The following CXCL6 variants were observed in gnomAD, a reference collection of about 807,000 sequenced individuals.
The protein encoded by CXCL6 is C-X-C motif chemokine ligand 6, also known as C-X-C motif chemokine 6.
CXCL6 carries 18 observed loss-of-function variants against 10.5 expected under a neutral mutation model. That is an observed-to-expected ratio of 1.71 (90% CI 1.18 to 2.54). The LOEUF is 2.54. CXCL6 is among the 30% of genes most tolerant of loss of function. The pLI is 0.00. For synonymous variants in CXCL6, 82 were observed against 68.3 expected, an observed-to-expected ratio of 1.20 and a Z score of -0.99; for missense variants, 171 against 145.7, an observed-to-expected ratio of 1.17 and a Z score of -0.90.
intron 3 of CXCL6, 106 bp from the exon 4 acceptor site, chr4:73,837,517 C>A: frequency 8.5e-7 from 1 of 1,176,638 alleles, no homozygotes; most frequent in South Asian, 1.3e-5. Flanking sequence ...TTTGTCTGCT[C>A]TTTGCTTTTA....
In CXCL6 at chr4:73,837,059, T is replaced by C. The variant is rs748333276; in HGVS notation, c.205T>C (p.Phe69Leu). The change falls in exon 2 of 4, where the codon TTC becomes CTC. Residue 69 changes from phenylalanine (F) to leucine (L), a missense_variant. Coordinates refer to ENST00000226317, the MANE Select transcript of CXCL6 (RefSeq NM_002993.4). The stretch of plus-strand genomic sequence containing the variant: ...CAAAACGATTGGTAAACTGCAGGTG[T>C]TCCCCGCAGGCCCGCAGTGCTCCAA... ...NPKTIGKLQV[F>L]PAGPQCSKVE... 2 of 1,613,746 alleles carry C rather than the reference T, an allele frequency of 1.2e-6. No homozygotes were observed. Among genetic ancestry groups the C allele is most frequent in the East Asian group, 4.5e-5 (2 of 44,900 alleles).
chr4:73,837,218 C>T lies in CXCL6; in HGVS notation c.258C>T (p.Asn86=). The T allele has an allele frequency of 6.2e-7, 1 of 1,614,040 alleles. No homozygotes were observed. Among genetic ancestry groups the T allele is most frequent in the Admixed American group, 1.7e-5 (1 of 60,014 alleles). ...TTTACTTCAGAGCCTCCCTGAAGAA[C>T]GGGAAGCAAGTTTGTCTGGACCCGG... is the stretch of plus-strand genomic sequence containing the variant. The part of the protein sequence containing the change: ...SKVEVVASLK[N]GKQVCLDPEA... The change falls in exon 3 of 4, where the codon AAC becomes AAT. Residue 86 remains asparagine, a synonymous_variant. Transcript: ENST00000226317.
In CXCL6 at chr4:73,836,763, T is replaced by A; in HGVS notation, c.13T>A (p.Ser5Thr). The A allele has an allele frequency of 6.2e-7, 1 of 1,610,374 alleles. No individual in the cohort carries two copies. The highest frequency in any genetic ancestry group is 2.2e-5 in the East Asian group (1 of 44,778). MSLPSSRAARVPGPS... is the reference protein window; with the variant it reads MSLPTSRAARVPGPS... ...TCTCTTGACCACTATGAGCCTCCCGTCCAGCCGCGCGGCCCGTGTCCCGGG... is the reference window on the plus strand; with the variant it reads ...TCTCTTGACCACTATGAGCCTCCCGACCAGCCGCGCGGCCCGTGTCCCGGG... The change falls in exon 1 of 4, where the codon TCC (serine) becomes ACC (threonine). Residue 5 changes from serine (S) to threonine (T), a missense_variant. By Grantham distance (58) the Ser-to-Thr change is moderately conservative. Transcript: ENST00000226317.
rs1413183889 is a variant in CXCL6, at chr4:73,837,571, G to A, written c.327-52G>A. Reference sequence around the variant, plus strand: ...CAAACGCTTTTGAAAACCAAATGTAGCATACAAGAGTGTGGGAATTGGTTA... The same window carrying A: ...CAAACGCTTTTGAAAACCAAATGTAACATACAAGAGTGTGGGAATTGGTTA... On this transcript the variant is annotated intron_variant, in intron 3 of 3. Transcript: ENST00000226317. 82 of 1,539,846 alleles carry A rather than the reference G, an allele frequency of 5.3e-5. 1 individual carries two copies. The South Asian group carries it at 8.9e-4, about 17-fold the overall frequency.
At position 73,837,293 on chromosome 4, in the gene CXCL6, G is replaced by T. The variant is rs771906311; in HGVS notation, c.326+7G>T. On this transcript the variant is annotated splice_region_variant and intron_variant, in intron 3 of 3. Transcript: ENST00000226317. Reference sequence around the variant, plus strand: ...TCCAGAAAATTTTGGACAGGTATTTGTCCCTTTGATCTTTGTGGTGTTTTA... The same window carrying T: ...TCCAGAAAATTTTGGACAGGTATTTTTCCCTTTGATCTTTGTGGTGTTTTA... The T allele has an allele frequency of 6.2e-7, 1 of 1,610,586 alleles. No homozygotes were observed. Among genetic ancestry groups the T allele is most frequent in the East Asian group, 2.2e-5 (1 of 44,874 alleles).
chr4:73,838,453 A>C lies in CXCL6; in HGVS notation c.*812A>C, dbSNP rs1731151932. 1 of 152,380 alleles carries C rather than the reference A, an allele frequency of 6.6e-6. No individual in the cohort carries two copies. The highest frequency in any genetic ancestry group is 2.4e-5 in the African/African-American group (1 of 41,450). The allele number at this position is 152,380 out of a possible 1,614,324, so 9.4% of individuals were successfully genotyped here. ...ATTCCTGATTGCTAATTTACATAGAAATGTATTCTCTTGGTTTTTTAAATA... is the reference window on the plus strand; with the variant it reads ...ATTCCTGATTGCTAATTTACATAGACATGTATTCTCTTGGTTTTTTAAATA... On this transcript the variant is annotated 3_prime_UTR_variant, in exon 4 of 4. Coordinates refer to ENST00000226317, the MANE Select transcript of CXCL6 (RefSeq NM_002993.4).
At position 73,836,794 on chromosome 4, in the gene CXCL6, CG is replaced by C. The variant is rs1731111594; in HGVS notation, c.47del (p.Gly16AlafsTer13). ...SSRAARVPGP[S>X]GSLCALLALL... ...CGCGCGGCCCGTGTCCCGGGTCCTT[CG>C]GGCTCCTTGTGCGCGCTGCTCGCGC... On this transcript the variant is annotated frameshift_variant, in exon 1 of 4. Transcript: ENST00000226317. LOFTEE classifies it high-confidence loss of function. The C allele has an allele frequency of 1.9e-6, 3 of 1,612,014 alleles. No homozygotes were observed. Among genetic ancestry groups the C allele is most frequent in the Non-Finnish European group, 2.5e-6 (3 of 1,179,422 alleles).
chr4:73,837,361 T>A, intron 3 of CXCL6, 75 bp downstream of exon 3: 1 of 1,336,378 alleles, frequency 7.5e-7, no homozygotes, highest in Non-Finnish European at 1.1e-6. Context: ...GTCCTTATTC[T>A]CTCTGTAGGA....
rs756549378 is a variant in CXCL6, at chr4:73,836,821, T to C, written c.71T>C (p.Leu24Pro). The change falls in exon 1 of 4, where the codon CTG becomes CCG. Residue 24 changes from leucine (L) to proline (P), a missense_variant. Leu to Pro is a moderately conservative substitution (Grantham distance 98). Transcript: ENST00000226317. ...PSGSLCALLA[L>P]LLLLTPPGPL... Reference sequence around the variant, plus strand: ...GGCTCCTTGTGCGCGCTGCTCGCGCTGCTGCTCCTGCTGACGCCGCCGGGG... The same window carrying C: ...GGCTCCTTGTGCGCGCTGCTCGCGCCGCTGCTCCTGCTGACGCCGCCGGGG... 6.2e-7 allele frequency: 1 copy of C among 1,612,254 alleles called. No homozygotes were observed. Among genetic ancestry groups the C allele is most frequent in the Admixed American group, 1.7e-5 (1 of 59,898 alleles).
At chr4:73,837,137 A>G in intron 2 of CXCL6, 41 bp downstream of exon 2, 1 of 1,613,296 alleles carries the variant, frequency 6.2e-7, no homozygotes, top group Middle Eastern at 1.7e-4. Flanking sequence ...TGACTTAGGC[A>G]AGTCCTCCAG....
At chr4:73,837,370 G>T (rs904941373) in intron 3 of CXCL6, 84 bp downstream of exon 3, 2 of 1,286,678 alleles carry the variant, frequency 1.6e-6, no homozygotes, top group African/African-American at 3.0e-5. Flanking sequence ...CTCTCTGTAG[G>T]ATTTAGACTA....
rs767886944 is a variant in CXCL6 at position 73,836,875 on chromosome 4, A to C, written c.109+16A>C. On this transcript the variant is annotated intron_variant, in intron 1 of 3. Transcript: ENST00000226317. ...CTCGCCAGCGGTGAGAGCTCCTGGCACTGGGGTGCATCCCAGCCTCTGCGG... is the reference window on the plus strand; with the variant it reads ...CTCGCCAGCGGTGAGAGCTCCTGGCCCTGGGGTGCATCCCAGCCTCTGCGG... 6.2e-7 allele frequency: 1 copy of C among 1,612,028 alleles called. No homozygotes were observed. Among genetic ancestry groups the C allele is most frequent in the Non-Finnish European group, 8.5e-7 (1 of 1,178,898 alleles).
chr4:73,837,489 C>T (rs1400498800), intron 3 of CXCL6, 134 bp from the exon 4 acceptor site: 1 of 944,712 alleles, frequency 1.1e-6, no homozygotes, highest in African/African-American at 1.7e-5. Context: ...ACACAGAGCT[C>T]ATTACTGACA....
Position 73,837,258 on chromosome 4 carries a change from A to C in CXCL6, c.298A>C (p.Lys100Gln), listed in dbSNP as rs770330032. 3.1e-6 allele frequency: 5 copies of C among 1,614,134 alleles called. No homozygotes were observed. Among genetic ancestry groups the C allele is most frequent in the Non-Finnish European group, 4.2e-6 (5 of 1,180,026 alleles). ...TCTGGACCCGGAAGCCCCTTTTCTA[A>C]AGAAAGTCATCCAGAAAATTTTGGA... ...VCLDPEAPFLKKVIQKILDSG... is the reference protein window; with the variant it reads ...VCLDPEAPFLQKVIQKILDSG... Residue 100 changes from lysine to glutamine, a missense_variant, in exon 3 of 4, where the codon AAG becomes CAG. Lys to Gln is a moderately conservative substitution (Grantham distance 53). Coordinates refer to ENST00000226317, the MANE Select transcript of CXCL6 (RefSeq NM_002993.4).
chr4:73,837,360 C>A, intron 3 of CXCL6, 74 bp downstream of exon 3: 3 of 1,343,412 alleles, frequency 2.2e-6, no homozygotes, highest in Non-Finnish European at 3.2e-6. Context: ...TGTCCTTATT[C>A]TCTCTGTAGG....
chr4:73,837,239 C>T lies in CXCL6; in HGVS notation c.279C>T (p.Asp93=), dbSNP rs372953502. The change falls in exon 3 of 4, where the codon GAC becomes GAT. Residue 93 remains aspartate, a synonymous_variant. Transcript: ENST00000226317. ...SLKNGKQVCL[D]PEAPFLKKVI... Reference sequence around the variant, plus strand: ...AGAACGGGAAGCAAGTTTGTCTGGACCCGGAAGCCCCTTTTCTAAAGAAAG... The same window carrying T: ...AGAACGGGAAGCAAGTTTGTCTGGATCCGGAAGCCCCTTTTCTAAAGAAAG... 28 of 1,614,036 alleles carry T rather than the reference C, an allele frequency of 1.7e-5. No individual in the cohort carries two copies. In the Admixed American group the frequency reaches 2.0e-4, roughly 12 times the overall value.
In CXCL6 at chr4:73,837,768, T is replaced by C; in HGVS notation, c.*127T>C. 1.4e-6 allele frequency: 1 copy of C among 726,478 alleles called. No individual in the cohort carries two copies. Among genetic ancestry groups the C allele is most frequent in the Non-Finnish European group, 2.2e-6 (1 of 454,904 alleles). The allele number at this position is 726,478 out of a possible 1,614,324, so 45.0% of individuals were successfully genotyped here. On this transcript the variant is annotated 3_prime_UTR_variant, in exon 4 of 4. Coordinates refer to ENST00000226317, the MANE Select transcript of CXCL6 (RefSeq NM_002993.4). Reference sequence around the variant, plus strand: ...TTTTCCATTTTCTACATGGATTCCCTACTTTGAAGAGTGTGGGGGAAAGCC... The same window carrying C: ...TTTTCCATTTTCTACATGGATTCCCCACTTTGAAGAGTGTGGGGGAAAGCC...
Position 73,837,302 on chromosome 4 carries a change from A to G in CXCL6, c.326+16A>G. 1 of 1,600,978 alleles carries G rather than the reference A, an allele frequency of 6.2e-7. No individual in the cohort carries two copies. Among genetic ancestry groups the G allele is most frequent in the Non-Finnish European group, 8.6e-7 (1 of 1,168,138 alleles). On this transcript the variant is annotated intron_variant, in intron 3 of 3. Coordinates refer to ENST00000226317, the MANE Select transcript of CXCL6 (RefSeq NM_002993.4). ...TTTTGGACAGGTATTTGTCCCTTTG[A>G]TCTTTGTGGTGTTTTAATATCTTCT...
chr4:73,837,474 C>A, intron 3 of CXCL6, 149 bp from the exon 4 acceptor site: 1 of 925,366 alleles, frequency 1.1e-6, no homozygotes, highest in Non-Finnish European at 1.7e-6. Context: ...CATGCCTGAA[C>A]AATTACACAG....
Sources: allele counts gnomAD v4.1 joint callset, GRCh38; gene constraint gnomAD v4.1.1; transcripts MANE v1.5; gene names NCBI Gene and HGNC (gene_info 2026-07-23, HGNC 2026-07-21).